Variants in ZSCAN23 observed in about 807,000 individuals in gnomAD.
ZSCAN23 encodes the protein zinc finger and SCAN domain-containing protein 23.
A neutral mutation model predicts 19.3 loss-of-function variants in ZSCAN23; 19 were observed. That is an observed-to-expected ratio of 0.99 (90% CI 0.69 to 1.45). ZSCAN23 has a LOEUF of 1.45. ZSCAN23 is among the 40% of genes most tolerant of loss of function. The pLI is 0.00. For synonymous variants in ZSCAN23, 140 were observed against 166.2 expected, an observed-to-expected ratio of 0.84 and a Z score of 1.21; for missense variants, 372 against 462.5, an observed-to-expected ratio of 0.80 and a Z score of 1.79.
chr6:28,436,322 T>TAA lies in ZSCAN23; in HGVS notation c.-57_-56insTT. 7.2e-7 allele frequency: 1 copy of TAA among 1,384,080 alleles called. No homozygotes were observed. Among genetic ancestry groups the TAA allele is most frequent in the Non-Finnish European group, 9.4e-7 (1 of 1,062,226 alleles). 85.7% of individuals were successfully genotyped at this position (1,384,080 alleles called of 1,614,324 possible). A position where few individuals can be genotyped will look rare whatever the true frequency, so the allele number is the denominator to read the frequency against. On this transcript the variant is annotated 5_prime_UTR_variant, in exon 2 of 4. It introduces an in-frame stop codon into an upstream open reading frame of the 5' UTR. Coordinates refer to ENST00000289788, the MANE Select transcript of ZSCAN23 (RefSeq NM_001012455.2). ...ATTCTTGATAATTCTCCCTTGATCT[T>TAA]TTCTTCTGGAAACCCCGAGATCTAG...
intron 1 of ZSCAN23, among the ~76,000 whole-genome samples, chr6:28,439,088 C>G (rs543941612): frequency 1.3e-5 from 2 of 151,748 alleles, no homozygotes; most frequent in Non-Finnish European, 2.9e-5. Flanking sequence ...TCTGCAAATT[C>G]ATGTTTTCCC....
chr6:28,426,874 G>A, the ZSCAN23 span, among the ~76,000 whole-genome samples: 5 of 152,176 alleles, frequency 3.3e-5, no homozygotes, highest in East Asian at 1.9e-4. Flanking sequence ...GCAATGGCGC[G>A]ATCTCGGCTC....
At chr6:28,421,723 T>G in the ZSCAN23 span, among the ~76,000 whole-genome samples, 2 of 152,138 alleles carry the variant, frequency 1.3e-5, no homozygotes, top group East Asian at 3.9e-4. Flanking sequence ...ACCCATGCTG[T>G]GTGCAACTCT....
At chr6:28,441,235 C>T (rs946440156) in intron 1 of ZSCAN23, among the ~76,000 whole-genome samples, 1 of 152,156 alleles carries the variant, frequency 6.6e-6, no homozygotes. Flanking sequence ...ACGACCCTCA[C>T]CTCCGCTGAC....
At chr6:28,435,637 C>A in intron 2 of ZSCAN23, 30 bp from the exon 3 acceptor site, 1 of 1,539,856 alleles carries the variant, frequency 6.5e-7, no homozygotes, top group South Asian at 1.2e-5. Context: ...GTTGGGAACC[C>A]AATATCAGAG....
At chr6:28,438,157 C>T (rs1761930465) in intron 1 of ZSCAN23, among the ~76,000 whole-genome samples, 3 of 152,006 alleles carry the variant, frequency 2.0e-5, no homozygotes, top group South Asian at 2.1e-4. Flanking sequence ...AGTACAGTGG[C>T]ACAATCTCAG....
rs1297591435 is a variant in ZSCAN23 at position 28,433,483 on chromosome 6, A to G, written c.*982T>C. 6.6e-6 allele frequency: 1 copy of G among 152,040 alleles called. No individual in the cohort carries two copies. Among genetic ancestry groups the G allele is most frequent in the African/African-American group, 2.4e-5 (1 of 41,406 alleles). The allele number at this position is 152,040 out of a possible 1,614,324, so 9.4% of individuals were successfully genotyped here. Reference sequence around the variant, plus strand: ...TTCCAAACCAGATTGTTTTCACCATAGGTTTTCCATTTCTTTGTCTCCTGG... The same window carrying G: ...TTCCAAACCAGATTGTTTTCACCATGGGTTTTCCATTTCTTTGTCTCCTGG... On this transcript the variant is annotated 3_prime_UTR_variant, in exon 4 of 4. Transcript: ENST00000289788.
At chr6:28,424,608 A>G in the ZSCAN23 span, among the ~76,000 whole-genome samples, 1 of 152,240 alleles carries the variant, frequency 6.6e-6, no homozygotes, top group Non-Finnish European at 1.5e-5. Flanking sequence ...TGTTATTTCA[A>G]CAATTTCACA....
intron 1 of ZSCAN23, among the ~76,000 whole-genome samples, chr6:28,439,298 A>C (rs1285098087): frequency 6.6e-6 from 1 of 152,000 alleles, no homozygotes; most frequent in East Asian, 1.9e-4. Context: ...CATGTTGGCC[A>C]GGCTGGTTTC....
At chr6:28,430,465 A>C (rs778745497), downstream of ZSCAN23, among the ~76,000 whole-genome samples, 17 of 152,220 alleles carry the variant, frequency 1.1e-4, no homozygotes, top group Admixed American at 1.3e-4. Context: ...CAAGGGTCAA[A>C]TGCAATAATC....
chr6:28,423,206 AAG>A, the ZSCAN23 span, among the ~76,000 whole-genome samples: 4 of 152,336 alleles, frequency 2.6e-5, no homozygotes, highest in Middle Eastern at 3.4e-3. Context: ...TACACAGACA[AAG>A]AGGGGAAAAT....
chr6:28,425,028 A>C, the ZSCAN23 span, among the ~76,000 whole-genome samples: 1 of 152,234 alleles, frequency 6.6e-6, no homozygotes, highest in Non-Finnish European at 1.5e-5. Flanking sequence ...TTAAATAATA[A>C]GACTTGAAAG....
intron 1 of ZSCAN23, among the ~76,000 whole-genome samples, chr6:28,441,723 A>G (rs1332642251): frequency 5.3e-5 from 8 of 152,016 alleles, no homozygotes; most frequent in Non-Finnish European, 1.2e-4. Context: ...TAAATACTGG[A>G]ATGTGTCCTT....
chr6:28,439,949 G>A (rs958369999), intron 1 of ZSCAN23, among the ~76,000 whole-genome samples: 1 of 152,182 alleles, frequency 6.6e-6, no homozygotes, highest in East Asian at 1.9e-4. Context: ...TAATAATTAA[G>A]TATTTGTGAA....
rs1416389524 is a variant in ZSCAN23, at chr6:28,434,209, T to C, written c.*256A>G. 2 of 368,868 alleles carry C rather than the reference T, an allele frequency of 5.4e-6. No individual in the cohort carries two copies. The highest frequency in any genetic ancestry group is 9.6e-6 in the Non-Finnish European group (2 of 207,362). The allele number at this position is 368,868 out of a possible 1,614,324, so 22.8% of individuals were successfully genotyped here. On this transcript the variant is annotated 3_prime_UTR_variant, in exon 4 of 4. Transcript: ENST00000289788. ...CTAGGATGAAGAAGTTTTCCTGAAA[T>C]AGAAAACTTCTTGCACAGATGTGTG...
downstream of ZSCAN23, among the ~76,000 whole-genome samples, chr6:28,431,622 T>C (rs1202461677): frequency 1.3e-5 from 2 of 152,208 alleles, no homozygotes; most frequent in South Asian, 2.1e-4. Context: ...CCATTGGCAG[T>C]TGGCATAGAA....
In ZSCAN23 at chr6:28,435,459, C is replaced by T. The variant is rs1232415180; in HGVS notation, c.556+1G>A. 1 of 1,550,536 alleles carries T rather than the reference C, an allele frequency of 6.4e-7. No homozygotes were observed. The highest frequency in any genetic ancestry group is 2.0e-5 in the Admixed American group (1 of 50,680). ...CTGTCTGAGGAAATCCTGATCCTCA[C>T]CAATCTCTTGAACTGGGCACACCTC... On this transcript the variant is annotated splice_donor_variant, in intron 3 of 3. Transcript: ENST00000289788. LOFTEE classifies it high-confidence loss of function.
downstream of ZSCAN23, among the ~76,000 whole-genome samples, chr6:28,429,734 A>T (rs1298491310): frequency 2.0e-5 from 3 of 152,146 alleles, no homozygotes; most frequent in Non-Finnish European, 4.4e-5. Flanking sequence ...ATCCTGAGAG[A>T]TCTACGTAAA....
intron 3 of ZSCAN23, 118 bp from the exon 4 acceptor site, chr6:28,435,196 T>G: frequency 8.1e-7 from 1 of 1,234,812 alleles, no homozygotes; most frequent in Middle Eastern, 2.7e-4. Flanking sequence ...AGTAGCCACT[T>G]TTTCTGTTTA....
Sources: allele counts gnomAD v4.1 joint callset (sites outside exome capture counted in the v4.1 genomes callset), GRCh38; gene constraint gnomAD v4.1.1; transcripts MANE v1.5; gene names NCBI Gene and HGNC (gene_info 2026-07-23, HGNC 2026-07-21).